TULP3: variants seen among roughly 807,000 people sequenced by gnomAD.
TULP3 encodes the protein TUB like protein 3, also known as tubby-related protein 3.
TULP3 carries 38 observed loss-of-function variants against 50.7 expected under a neutral mutation model. The observed-to-expected ratio is 0.75, with a 90% CI of 0.58 to 0.98. TULP3 has a LOEUF of 0.98. Among genes scored for constraint, TULP3 ranks in the 50% least tolerant of loss-of-function variants. TULP3 has a pLI of 0.00. For missense variants in TULP3, 550 were observed against 568.0 expected (o/e 0.97, Z 0.32); for synonymous variants, 183 against 196.6 (o/e 0.93, Z 0.58).
In TULP3 at chr12:2,931,227, A is replaced by T. The variant is rs1421490663; in HGVS notation, c.683A>T (p.Glu228Val). Residue 228 changes from glutamate to valine, a missense_variant, in exon 6 of 11, where the codon GAA (glutamate) becomes GTA (valine). Physicochemically the swap from Glu to Val is moderately radical, Grantham distance 121. Coordinates refer to ENST00000448120, the MANE Select transcript of TULP3 (RefSeq NM_003324.5). ...FPTYYMYLEK[E>V]ENQKIFLLAA... ...ACCTACTATATGTACTTGGAAAAAG[A>T]AGAAAATCAGAAGGTATGAGAATTG... 11 of 1,613,868 alleles carry T rather than the reference A, an allele frequency of 6.8e-6. No homozygotes were observed. Among genetic ancestry groups the T allele is most frequent in the Non-Finnish European group, 9.3e-6 (11 of 1,179,988 alleles).
At chr12:2,916,222 G>A (rs989437685) in intron 2 of TULP3, among the ~76,000 whole-genome samples, 14 of 150,888 alleles carry the variant, frequency 9.3e-5, no homozygotes, top group African/African-American at 3.2e-4. Context: ...TGTTGGCCTC[G>A]AATTCCTGAC....
intron 5 of TULP3, 99 bp downstream of exon 5, chr12:2,930,444 G>A: frequency 2.5e-6 from 2 of 815,246 alleles, no homozygotes; most frequent in South Asian, 4.3e-5. Context: ...TATTTTTTGA[G>A]GTGGAGTCTC....
At position 2,896,653 on chromosome 12, in the gene TULP3, A is replaced by G. The variant is rs544939780; in HGVS notation, c.41+5665A>G. 1.6e-4 allele frequency among the ~76,000 whole-genome samples: 25 copies of G among 152,332 alleles called. No individual in the cohort carries two copies. The South Asian group carries it at 4.8e-3, about 29-fold the overall frequency. On this transcript the variant is annotated intron_variant, in intron 1 of 10. Coordinates refer to ENST00000448120, the MANE Select transcript of TULP3 (RefSeq NM_003324.5). ...AATATTTTTCAAATATGCTCCTGGA[A>G]AAATAAAATTATTGCTATTTAGCTT...
chr12:2,890,928 G>A lies in TULP3; in HGVS notation c.-20G>A. ...GCGGGGAAGAGTGTGTACGTGGTGG[G>A]GGCTTCCTCGGTGGCGGGCATGGAG... On this transcript the variant is annotated 5_prime_UTR_variant, in exon 1 of 11. Coordinates refer to ENST00000448120, the MANE Select transcript of TULP3 (RefSeq NM_003324.5). 1 of 1,592,924 alleles carries A rather than the reference G, an allele frequency of 6.3e-7. No homozygotes were observed. The highest frequency in any genetic ancestry group is 8.5e-7 in the Non-Finnish European group (1 of 1,170,104).
chr12:2,918,916 C>T (rs1306188561), intron 2 of TULP3, among the ~76,000 whole-genome samples: 7 of 149,030 alleles, frequency 4.7e-5, no homozygotes, highest in African/African-American at 7.4e-5. Context: ...GACAGAGTCT[C>T]GAGTCTTGCT....
chr12:2,890,912 A>C lies in TULP3; in HGVS notation c.-36A>C. On this transcript the variant is annotated 5_prime_UTR_variant, in exon 1 of 11. Coordinates refer to ENST00000448120, the MANE Select transcript of TULP3 (RefSeq NM_003324.5). ...AGCCACTCTAGCGACGGCGGGGAAGAGTGTGTACGTGGTGGGGGCTTCCTC... is the reference window on the plus strand; with the variant it reads ...AGCCACTCTAGCGACGGCGGGGAAGCGTGTGTACGTGGTGGGGGCTTCCTC... 1 of 1,562,366 alleles carries C rather than the reference A, an allele frequency of 6.4e-7. No homozygotes were observed. Among genetic ancestry groups the C allele is most frequent in the Non-Finnish European group, 8.7e-7 (1 of 1,153,628 alleles).
chr12:2,934,550 G>A lies in TULP3; in HGVS notation c.913G>A (p.Ala305Thr). ...GGCCCACACCCGGCAGGAGCTGGCT[G>A]CCATCTCCTATGTGAGTGCTGCTTT... ...GAAHTRQELAAISYETNVLGF... is the reference protein window; with the variant it reads ...GAAHTRQELATISYETNVLGF... Residue 305 changes from alanine (A) to threonine (T), a missense_variant, in exon 8 of 11, where the codon GCC (alanine) becomes ACC (threonine). Physicochemically the swap from Ala to Thr is moderately conservative, Grantham distance 58. Transcript: ENST00000448120. The A allele has an allele frequency of 1.3e-6, 2 of 1,590,820 alleles. No individual in the cohort carries two copies. Among genetic ancestry groups the A allele is most frequent in the African/African-American group, 1.4e-5 (1 of 73,868 alleles).
chr12:2,929,479 T>A (rs572723903), intron 4 of TULP3, among the ~76,000 whole-genome samples: 124 of 152,318 alleles, frequency 8.1e-4, no homozygotes, highest in Middle Eastern at 6.8e-3. Context: ...CTAATTTTTT[T>A]AAAAAAACTT....
chr12:2,904,148 C>T (rs1603504079), intron 1 of TULP3, among the ~76,000 whole-genome samples: 1 of 152,128 alleles, frequency 6.6e-6, no homozygotes, highest in South Asian at 2.1e-4. Flanking sequence ...AGAATCAGTA[C>T]TGTTAACTGA....
At chr12:2,901,214 G>T (rs1330568812) in intron 1 of TULP3, among the ~76,000 whole-genome samples, 1 of 150,992 alleles carries the variant, frequency 6.6e-6, no homozygotes, top group Non-Finnish European at 1.5e-5. Flanking sequence ...CCTGACTCAG[G>T]CAATCCTCCT....
intron 2 of TULP3, among the ~76,000 whole-genome samples, chr12:2,916,066 A>G (rs569129160): frequency 2.0e-5 from 3 of 151,926 alleles, no homozygotes; most frequent in African/African-American, 4.8e-5. Context: ...CTGGAGTGCA[A>G]TGGCGCGATC....
chr12:2,939,555 T>C lies in TULP3; in HGVS notation c.*111T>C. 6.6e-7 allele frequency: 1 copy of C among 1,505,046 alleles called. No individual in the cohort carries two copies. The highest frequency in any genetic ancestry group is 8.8e-7 in the Non-Finnish European group (1 of 1,133,650). The allele number at this position is 1,505,046 out of a possible 1,614,324, so 93.2% of individuals were successfully genotyped here. A position where few individuals can be genotyped will look rare whatever the true frequency, so the allele number is the denominator to read the frequency against. On this transcript the variant is annotated 3_prime_UTR_variant, in exon 11 of 11. Transcript: ENST00000448120. This position sits in a 1 kb window ranked among gnomAD's most constrained non-coding sequence, Gnocchi z 4.0. Reference sequence around the variant, plus strand: ...TTAAAGAGCAATAGTTTGCCCCTTTTGGAATGATCTCTGAATATATAAAAC... The same window carrying C: ...TTAAAGAGCAATAGTTTGCCCCTTTCGGAATGATCTCTGAATATATAAAAC...
chr12:2,922,465 C>G, intron 4 of TULP3, 63 bp downstream of exon 4: 1 of 1,565,184 alleles, frequency 6.4e-7, no homozygotes, highest in Non-Finnish European at 8.6e-7. Flanking sequence ...CTTTTCCTTT[C>G]TTTTCATTGT....
intron 1 of TULP3, among the ~76,000 whole-genome samples, chr12:2,893,716 GTT>G (rs10713000): frequency 0.046 from 6,699 of 146,054 alleles, 279 homozygotes; most frequent in African/African-American, 0.1. Flanking sequence ...GGTTTTCTGT[GTT>G]TTTTTTTTTT....
intron 3 of TULP3, among the ~76,000 whole-genome samples, chr12:2,921,534 A>G (rs1182165387): frequency 6.6e-6 from 1 of 152,164 alleles, no homozygotes; most frequent in Admixed American, 6.5e-5. Flanking sequence ...GTGAATCATG[A>G]AGCCGGGAAT....
chr12:2,903,502 C>T (rs916728102), intron 1 of TULP3, among the ~76,000 whole-genome samples: 2 of 149,572 alleles, frequency 1.3e-5, no homozygotes, highest in African/African-American at 2.5e-5. Context: ...GCGGAGGTTG[C>T]GGCGAGCCAA....
chr12:2,913,543 C>T (rs2098186893), intron 2 of TULP3, among the ~76,000 whole-genome samples: 2 of 152,144 alleles, frequency 1.3e-5, no homozygotes, highest in South Asian at 4.1e-4. Flanking sequence ...GGATTATAGG[C>T]ATGAGCCATC....
intron 1 of TULP3, among the ~76,000 whole-genome samples, chr12:2,907,075 C>G (rs368558178): frequency 1.5e-4 from 23 of 151,142 alleles, no homozygotes; most frequent in Non-Finnish European, 2.7e-4. Context: ...CAGTGGCTCA[C>G]GCCTGTAATC....
intron 1 of TULP3, 91 bp from the exon 2 acceptor site, chr12:2,909,438 A>G (rs1348420908): frequency 1.5e-6 from 2 of 1,306,726 alleles, no homozygotes; most frequent in East Asian, 2.4e-5. Flanking sequence ...GATTGGTTCC[A>G]AATAGCCCAA....
Sources: allele counts gnomAD v4.1 joint callset (sites outside exome capture counted in the v4.1 genomes callset), GRCh38; gene constraint gnomAD v4.1.1; non-coding constraint Gnocchi (gnomAD v3.1); transcripts MANE v1.5; gene names NCBI Gene and HGNC (gene_info 2026-07-23, HGNC 2026-07-21).